The following GRIA3 variants were observed in gnomAD, a reference collection of about 807,000 sequenced individuals.
The protein encoded by GRIA3 is glutamate ionotropic receptor AMPA type subunit 3, also known as glutamate receptor 3.
In GRIA3, 3 loss-of-function variants were observed where a neutral mutation model predicts 63.0. The ratio of observed to expected loss-of-function variants is 0.05; its 90% CI spans 0.02 to 0.12. The LOEUF is 0.12. Ranked by LOEUF, GRIA3 falls within the 10% of genes least tolerant of loss-of-function variation. The probability of loss-of-function intolerance (pLI) is 1.00; values close to 1 mark genes in which losing one functional copy is unlikely to be tolerated. For synonymous variants in GRIA3, 274 were observed against 257.9 expected, an observed-to-expected ratio of 1.06 and a Z score of -0.60; for missense variants, 347 against 700.9, an observed-to-expected ratio of 0.50 and a Z score of 5.70.
In GRIA3 at chrX:123,217,809, T is replaced by TA. The variant is rs769139942; in HGVS notation, c.268+31820dup. 4.4e-5 allele frequency among the ~76,000 whole-genome samples: 5 copies of TA among 112,368 alleles called. No individual in the cohort carries two copies. In the East Asian group the frequency reaches 1.4e-3, roughly 32 times the overall value. ...CCACATTCAATTTCATGTGTACTGT[T>TA]ACCTCTCTCTCTCCTTGTTAAAGTG... On this transcript the variant is annotated intron_variant, in intron 2 of 15. Coordinates refer to ENST00000620443, the MANE Select transcript of GRIA3 (RefSeq NM_007325.5).
rs148560712 is a variant in GRIA3, at chrX:123,253,413, C to G, written c.379C>G (p.Pro127Ala). The G allele has an allele frequency of 2.5e-6, 3 of 1,209,860 alleles. No homozygotes were observed. The highest frequency in any genetic ancestry group is 2.2e-6 in the Non-Finnish European group (2 of 895,034). ...CGALHTSFVT[P>A]SFPTDADVQF... ...GGCCCTGCACACATCCTTTGTTACGCCTAGCTTCCCCACTGACGCAGATGT... is the reference window on the plus strand; with the variant it reads ...GGCCCTGCACACATCCTTTGTTACGGCTAGCTTCCCCACTGACGCAGATGT... Residue 127 changes from proline (P) to alanine (A), a missense_variant, in exon 3 of 16, where the codon CCT (proline) becomes GCT (alanine). Around this residue, in one of 8 missense-constraint regions of GRIA3, gnomAD observed 113 missense variants for 130.6 expected, o/e 0.87. Transcript: ENST00000620443.
chrX:123,454,791 G>C (rs1299649392), intron 12 of GRIA3, among the ~76,000 whole-genome samples: 1 of 111,900 alleles, frequency 8.9e-6, no homozygotes, highest in Non-Finnish European at 1.9e-5. Flanking sequence ...AGAATGTGTT[G>C]ACTCTAGCTT....
chrX:123,430,514 C>A (rs997584289), intron 12 of GRIA3, among the ~76,000 whole-genome samples: 1 of 111,244 alleles, frequency 9.0e-6, no homozygotes, highest in African/African-American at 3.3e-5. Flanking sequence ...CTTTGATATT[C>A]GTGCAATACA....
chrX:123,299,665 C>T (rs925200200), intron 3 of GRIA3, among the ~76,000 whole-genome samples: 1 of 111,465 alleles, frequency 9.0e-6, no homozygotes, highest in Non-Finnish European at 1.9e-5. Flanking sequence ...AGGATCATGT[C>T]ATCTGCCAAC....
intron 3 of GRIA3, among the ~76,000 whole-genome samples, chrX:123,289,931 T>C (rs1204332167): frequency 8.9e-6 from 1 of 111,862 alleles, no homozygotes; most frequent in East Asian, 2.8e-4. Context: ...TTCTAAAATG[T>C]TTCTCTCTCC....
At chrX:123,235,433 G>A (rs1350393111) in intron 2 of GRIA3, among the ~76,000 whole-genome samples, 1 of 111,720 alleles carries the variant, frequency 9.0e-6, no homozygotes, top group Non-Finnish European at 1.9e-5. Flanking sequence ...AAGATCTTCA[G>A]AGAAAAAGCA....
chrX:123,363,665 G>A (rs1168754664), intron 5 of GRIA3, among the ~76,000 whole-genome samples: 1 of 112,502 alleles, frequency 8.9e-6, no homozygotes, highest in Admixed American at 9.4e-5. Context: ...TAAAGGTCAT[G>A]TTGGTTTTAT....
At chrX:123,246,341 C>A (rs1308223598) in intron 2 of GRIA3, among the ~76,000 whole-genome samples, 1 of 111,882 alleles carries the variant, frequency 8.9e-6, no homozygotes, top group East Asian at 2.8e-4. Context: ...ACAGGTCTCA[C>A]CAGGCTAAAA....
intron 10 of GRIA3, among the ~76,000 whole-genome samples, chrX:123,405,924 T>C (rs896858133): frequency 2.7e-5 from 3 of 112,458 alleles, no homozygotes; most frequent in Admixed American, 1.9e-4. Flanking sequence ...TATCACACAG[T>C]CTGAAACATA....
At chrX:123,236,766 C>T (rs767500423) in intron 2 of GRIA3, among the ~76,000 whole-genome samples, 119 of 111,585 alleles carry the variant, frequency 1.1e-3, no homozygotes, top group Non-Finnish European at 2.0e-3. Flanking sequence ...CAGTGACTTA[C>T]GAAATAGAAC....
intron 4 of GRIA3, among the ~76,000 whole-genome samples, chrX:123,349,059 G>A (rs1379137742): frequency 8.9e-6 from 1 of 111,866 alleles, no homozygotes; most frequent in Non-Finnish European, 1.9e-5. Context: ...TCTTGTATTA[G>A]TGTCATTGAT....
At chrX:123,388,371 G>A (rs1216016172) in intron 5 of GRIA3, among the ~76,000 whole-genome samples, 5 of 110,921 alleles carry the variant, frequency 4.5e-5, no homozygotes, top group East Asian at 5.7e-4. Context: ...TCAGCCTCCC[G>A]AGTAGATGGG....
rs748365386 is a variant in GRIA3, at chrX:123,417,635, T to A, written c.1734T>A (p.Pro578=). 2.0e-5 allele frequency: 24 copies of A among 1,196,826 alleles called. No homozygotes were observed. The South Asian group carries it at 4.4e-4, about 22-fold the overall frequency. Residue 578 remains proline, a synonymous_variant, in exon 11 of 16, where the codon CCT becomes CCA. Coordinates refer to ENST00000620443, the MANE Select transcript of GRIA3 (RefSeq NM_007325.5). ...TTTTCCTAGTCAGCAGGTTCAGTCC[T>A]TATGAATGGCACTTGGAAGACAACA... The part of the protein sequence containing the change: ...VVLFLVSRFS[P]YEWHLEDNNE...
intron 14 of GRIA3, 92 bp from the exon 15 acceptor site, chrX:123,482,707 A>G (rs751162424): frequency 1.0e-6 from 1 of 1,004,495 alleles, no homozygotes; most frequent in Admixed American, 2.2e-5. Flanking sequence ...TTATTTTACA[A>G]TTTAGAACTC....
At position 123,477,806 on chromosome X, in the gene GRIA3, A is replaced by C. The variant is rs750581198; in HGVS notation, c.2325-2257A>C. On this transcript the variant is annotated intron_variant, in intron 13 of 15. Transcript: ENST00000620443. ...CCTTAGTGTGAGTACCTTTAATCAGACTGCTCTGTTCCTAAGATCTGGTGA... is the reference window on the plus strand; with the variant it reads ...CCTTAGTGTGAGTACCTTTAATCAGCCTGCTCTGTTCCTAAGATCTGGTGA... Among the ~76,000 whole-genome samples the C allele has an allele frequency of 2.7e-5, 3 of 111,811 alleles. No homozygotes were observed. In the East Asian group the frequency reaches 8.4e-4, roughly 31 times the overall value.
At chrX:123,185,021 T>C (rs1343047768) in intron 1 of GRIA3, 2 of 344,060 alleles carry the variant, frequency 5.8e-6, no homozygotes, top group Admixed American at 3.1e-5. Flanking sequence ...CTCCTGGAAG[T>C]TGTCCCAGGG....
chrX:123,244,832 C>G (rs1045355933), intron 2 of GRIA3, among the ~76,000 whole-genome samples: 3 of 112,466 alleles, frequency 2.7e-5, no homozygotes, highest in African/African-American at 9.7e-5. Flanking sequence ...GGTTGAAAAA[C>G]CCTGAACTGA....
At chrX:123,378,088 C>T (rs931048759) in intron 5 of GRIA3, among the ~76,000 whole-genome samples, 1 of 111,669 alleles carries the variant, frequency 9.0e-6, no homozygotes, top group African/African-American at 3.3e-5. Flanking sequence ...GTCACCTCTC[C>T]CCCATCAGTG....
intron 2 of GRIA3, chrX:123,202,619 C>T (rs1927772810): frequency 1.7e-6 from 2 of 1,162,233 alleles, no homozygotes; most frequent in East Asian, 6.5e-5. Context: ...CTTCCCCTCA[C>T]CTTGTCACCC....
Sources: allele counts gnomAD v4.1 joint callset (sites outside exome capture counted in the v4.1 genomes callset), GRCh38; gene constraint gnomAD v4.1.1; regional missense constraint gnomAD v4.1.1; transcripts MANE v1.5; gene names NCBI Gene and HGNC (gene_info 2026-07-23, HGNC 2026-07-21).